The following FAM184B variants were observed in gnomAD, a reference collection of about 807,000 sequenced individuals.
FAM184B encodes family with sequence similarity 184 member B.
A neutral mutation model predicts 135.9 loss-of-function variants in FAM184B; 111 were observed. That is an observed-to-expected ratio of 0.82 (90% confidence interval 0.70 to 0.96). The LOEUF (loss-of-function observed/expected upper bound fraction) is 0.96, where lower values mean the gene tolerates loss of function less well. FAM184B is among the 40% of genes least tolerant of loss of function. FAM184B has a pLI of 0.00. For synonymous variants in FAM184B, 552 were observed against 524.8 expected, an observed-to-expected ratio of 1.05 and a Z score of -0.71; for missense variants, 1,375 against 1,323.9, an observed-to-expected ratio of 1.04 and a Z score of -0.60.
intron 9 of FAM184B, 123 bp from the exon 10 acceptor site, chr4:17,658,685 T>C (rs761149815): frequency 2.0e-5 from 19 of 938,468 alleles, no homozygotes; most frequent in Non-Finnish European, 3.0e-5. Flanking sequence ...GTAGAGACTC[T>C]GAAGGGATGG....
At chr4:17,688,217 A>T (rs529975035) in intron 7 of FAM184B, among the ~76,000 whole-genome samples, 24 of 152,060 alleles carry the variant, frequency 1.6e-4, no homozygotes, top group African/African-American at 5.3e-4. Flanking sequence ...CTTTCAAACC[A>T]TGCAGATAAT....
chr4:17,637,465 CTCT>C (rs1378793326), intron 14 of FAM184B, among the ~76,000 whole-genome samples: 3 of 152,178 alleles, frequency 2.0e-5, no homozygotes, highest in Non-Finnish European at 4.4e-5. Context: ...CTAATACTGG[CTCT>C]TCTTTTTTCT....
intron 1 of FAM184B, among the ~76,000 whole-genome samples, chr4:17,726,869 G>A (rs946823545): frequency 9.2e-5 from 14 of 152,284 alleles, no homozygotes; most frequent in East Asian, 7.7e-4. Context: ...TAACTCTATC[G>A]ATCTGGCTAG....
intron 14 of FAM184B, among the ~76,000 whole-genome samples, chr4:17,638,169 A>G (rs1379887892): frequency 2.3e-5 from 1 of 42,610 alleles, no homozygotes; most frequent in African/African-American, 8.3e-5. Flanking sequence ...TTTTTGAGAC[A>G]GGGTCTATTT....
chr4:17,708,666 T>TATATATAC (rs1553837958), intron 2 of FAM184B, among the ~76,000 whole-genome samples: 18 of 19,060 alleles, frequency 9.4e-4, no homozygotes, highest in Non-Finnish European at 1.5e-3. Flanking sequence ...AACAAAACTA[T>TATATATAC]ATATATATAT....
chr4:17,665,205 C>T (rs141110959), intron 7 of FAM184B, among the ~76,000 whole-genome samples: 333 of 152,248 alleles, frequency 2.2e-3, no homozygotes, highest in African/African-American at 7.6e-3. Flanking sequence ...AGTTTGTAGT[C>T]TGCTGTGTCC....
intron 1 of FAM184B, among the ~76,000 whole-genome samples, chr4:17,715,400 G>C (rs552619625): frequency 1.3e-5 from 2 of 152,034 alleles, no homozygotes; most frequent in Non-Finnish European, 2.9e-5. Flanking sequence ...ACTTGAACGC[G>C]GGAGGTGGAG....
chr4:17,659,971 T>C lies in FAM184B; in HGVS notation c.1811A>G (p.Lys604Arg). ...GGGTTGTCCTACCTGGGCTTGCAAT[T>C]TGGCCTTCTGGCTTTGCCAGTCCTC... ...LEEDWQSQKA[K>R]LQAQVSQMQQ... The change falls in exon 9 of 18, where the codon AAA (lysine) becomes AGA (arginine). Residue 604 changes from lysine (K) to arginine (R), a missense_variant. Physicochemically the swap from Lys to Arg is conservative, Grantham distance 26. Coordinates refer to ENST00000265018, the MANE Select transcript of FAM184B (RefSeq NM_015688.2). The C allele has an allele frequency of 6.4e-7, 1 of 1,550,996 alleles. No individual in the cohort carries two copies. The highest frequency in any genetic ancestry group is 8.7e-7 in the Non-Finnish European group (1 of 1,146,982).
intron 1 of FAM184B, among the ~76,000 whole-genome samples, chr4:17,777,917 G>A (rs995854266): frequency 3.3e-5 from 5 of 152,152 alleles, no homozygotes; most frequent in African/African-American, 1.2e-4. Flanking sequence ...GGGCAACATA[G>A]TGAGACCCTG....
chr4:17,708,747 G>T lies in FAM184B; in HGVS notation c.894+145C>A, dbSNP rs1443691997. ...GTGTGTGTGTGTGTGTGTGTGTAAT[G>T]AATGTAGGTGAATTCAATGGAGATA... is the stretch of plus-strand genomic sequence containing the variant. On this transcript the variant is annotated intron_variant, in intron 2 of 17. Coordinates refer to ENST00000265018, the MANE Select transcript of FAM184B (RefSeq NM_015688.2). 1.5e-5 allele frequency: 6 copies of T among 408,616 alleles called. No homozygotes were observed. In the Admixed American group the frequency reaches 2.8e-4, roughly 19 times the overall value. 25.3% of individuals were successfully genotyped at this position (408,616 alleles called of 1,614,324 possible).
At chr4:17,640,473 G>A (rs911825429) in intron 13 of FAM184B, among the ~76,000 whole-genome samples, 1 of 123,850 alleles carries the variant, frequency 8.1e-6, no homozygotes, top group East Asian at 2.9e-4. Flanking sequence ...AAAAGAGCAA[G>A]ACTGTCTCAA....
At chr4:17,761,687 A>C (rs1016267604) in intron 1 of FAM184B, among the ~76,000 whole-genome samples, 1 of 152,108 alleles carries the variant, frequency 6.6e-6, no homozygotes, top group African/African-American at 2.4e-5. Flanking sequence ...TGCCCAGCTA[A>C]TTTTTGTATT....
At chr4:17,674,432 C>A (rs1560173593) in intron 7 of FAM184B, among the ~76,000 whole-genome samples, 1 of 152,136 alleles carries the variant, frequency 6.6e-6, no homozygotes, top group South Asian at 2.1e-4. Flanking sequence ...ATCACCTGAG[C>A]CTTCAGTGTA....
Position 17,751,888 on chromosome 4 carries a change from TC to T in FAM184B, c.141+29270del, listed in dbSNP as rs373565463. On this transcript the variant is annotated intron_variant, in intron 1 of 17. Coordinates refer to ENST00000265018, the MANE Select transcript of FAM184B (RefSeq NM_015688.2). ...ACACAAAAGAACCAGGCACGCAAGTTCAGACAGGTAGAGGTGTGGCGGGATG... is the reference window on the plus strand; with the variant it reads ...ACACAAAAGAACCAGGCACGCAAGTTAGACAGGTAGAGGTGTGGCGGGATG... 3.7e-4 allele frequency among the ~76,000 whole-genome samples: 45 copies of T among 121,072 alleles called. 2 individuals are homozygous for T. The highest frequency in any genetic ancestry group is 1.3e-3 in the African/African-American group (43 of 33,962). The allele number at this position is 121,072 out of a possible 152,430, so 79.4% of individuals were successfully genotyped here.
intron 1 of FAM184B, among the ~76,000 whole-genome samples, chr4:17,719,404 G>A (rs1717469490): frequency 6.6e-6 from 1 of 152,126 alleles, no homozygotes; most frequent in African/African-American, 2.4e-5. Flanking sequence ...CTTATGAATT[G>A]TTTATTTCTG....
intron 6 of FAM184B, among the ~76,000 whole-genome samples, chr4:17,691,639 TCAC>T (rs1230220507): frequency 7.3e-6 from 1 of 137,360 alleles, no homozygotes; most frequent in African/African-American, 2.8e-5. Flanking sequence ...TGAGCTGAGA[TCAC>T]GCCAATGCAC....
At chr4:17,714,770 A>G (rs1213301179) in intron 1 of FAM184B, among the ~76,000 whole-genome samples, 2 of 152,148 alleles carry the variant, frequency 1.3e-5, no homozygotes, top group East Asian at 3.9e-4. Context: ...CCCAAAATTA[A>G]CACAAAATCA....
chr4:17,714,881 A>C (rs1266821093), intron 1 of FAM184B, among the ~76,000 whole-genome samples: 4 of 152,084 alleles, frequency 2.6e-5, no homozygotes, highest in Non-Finnish European at 5.9e-5. Context: ...CTGGCAACCA[A>C]AGTCCCCAAA....
chr4:17,756,201 G>A (rs1253548735), intron 1 of FAM184B, among the ~76,000 whole-genome samples: 3 of 152,098 alleles, frequency 2.0e-5, no homozygotes, highest in African/African-American at 4.8e-5. Context: ...TCCAGATCTA[G>A]AGCAGGAAAC....
Sources: gnomAD v4.1 joint callset for allele counts (sites outside exome capture counted in the v4.1 genomes callset) on GRCh38, gnomAD v4.1.1 for gene constraint, MANE v1.5 for transcripts, NCBI Gene and HGNC (gene_info 2026-07-23, HGNC 2026-07-21) for gene names.